The following CHN2 variants were observed in gnomAD, a reference collection of about 807,000 sequenced individuals.
The protein encoded by CHN2 is chimerin 2.
CHN2 carries 35 observed loss-of-function variants against 56.3 expected under a neutral mutation model. That is an observed-to-expected ratio of 0.62 (90% CI 0.47 to 0.82). CHN2 has a LOEUF of 0.82. Ranked by LOEUF, CHN2 falls within the 40% of genes least tolerant of loss-of-function variation. The probability of loss-of-function intolerance (pLI) is 0.00; values close to 1 mark genes in which losing one functional copy is unlikely to be tolerated. For missense variants in CHN2, 491 were observed against 580.5 expected (o/e 0.85, Z 1.58); for synonymous variants, 210 against 212.8 (o/e 0.99, Z 0.12).
At chr7:29,177,947 G>A (rs1448695074) in intron 2 of CHN2, among the ~76,000 whole-genome samples, 1 of 151,892 alleles carries the variant, frequency 6.6e-6, no homozygotes, top group African/African-American at 2.4e-5. Context: ...CCCACACAAA[G>A]TTCCCCCTCC....
chr7:29,388,453 C>T (rs1219285852), intron 3 of CHN2, among the ~76,000 whole-genome samples: 4 of 151,682 alleles, frequency 2.6e-5, no homozygotes, highest in South Asian at 2.1e-4. Context: ...TGGCTGTCTG[C>T]GCCAGGCACT....
At chr7:29,155,091 GC>G (rs1355951160) in intron 2 of CHN2, among the ~76,000 whole-genome samples, 12 of 152,026 alleles carry the variant, frequency 7.9e-5, no homozygotes, top group African/African-American at 2.9e-4. Flanking sequence ...CACAGGACCT[GC>G]CCCCATGATT....
intron 3 of CHN2, among the ~76,000 whole-genome samples, chr7:29,373,395 G>C (rs927693876): frequency 6.6e-6 from 1 of 151,750 alleles, no homozygotes; most frequent in Non-Finnish European, 1.5e-5. Context: ...GGCTGGTCTT[G>C]AATTCCCAAC....
intron 1 of CHN2, among the ~76,000 whole-genome samples, chr7:29,267,081 G>C (rs1368167136): frequency 6.6e-6 from 1 of 151,992 alleles, no homozygotes; most frequent in Non-Finnish European, 1.5e-5. Context: ...CTCTGCTGTA[G>C]TAGCTCTTAG....
intron 2 of CHN2, among the ~76,000 whole-genome samples, chr7:29,161,512 T>C (rs1018774662): frequency 7.9e-5 from 12 of 152,154 alleles, no homozygotes; most frequent in African/African-American, 2.2e-4. Flanking sequence ...CACTTTAACT[T>C]TTCATACCCA....
intron 1 of CHN2, among the ~76,000 whole-genome samples, chr7:29,309,262 G>T (rs17759374): frequency 0.019 from 2,834 of 152,262 alleles, 37 homozygotes; most frequent in Middle Eastern, 0.031. Flanking sequence ...TCTTTGGGTT[G>T]TAGAATTTGA....
At position 29,480,376 on chromosome 7, in the gene CHN2, CCTT is replaced by C. The variant is rs757414379; in HGVS notation, c.654+26_654+28del. ...TTTAAGGTAAGCAAGCCTCTGCATTCCTTCTTCTGTTACAAAAGGGCAGGTGGA... is the reference window on the plus strand; with the variant it reads ...TTTAAGGTAAGCAAGCCTCTGCATTCCTTCTGTTACAAAAGGGCAGGTGGA... On this transcript the variant is annotated intron_variant, in intron 7 of 12. Coordinates refer to ENST00000222792, the MANE Select transcript of CHN2 (RefSeq NM_004067.4). 66 of 1,610,564 alleles carry C rather than the reference CCTT, an allele frequency of 4.1e-5. 1 individual carries two copies. The South Asian group carries it at 6.8e-4, about 17-fold the overall frequency.
At chr7:29,402,493 T>A (rs1050714560) in intron 6 of CHN2, among the ~76,000 whole-genome samples, 1 of 152,220 alleles carries the variant, frequency 6.6e-6, no homozygotes, top group African/African-American at 2.4e-5. Flanking sequence ...CTTAGTCTGT[T>A]TGCAAAATCT....
intron 2 of CHN2, among the ~76,000 whole-genome samples, chr7:29,157,430 C>T (rs530083353): frequency 7.2e-5 from 10 of 139,072 alleles, no homozygotes; most frequent in South Asian, 5.1e-4. Flanking sequence ...AGAGAAATGG[C>T]GTTATCTCAG....
At chr7:29,493,558 G>C (rs1265394693) in intron 7 of CHN2, among the ~76,000 whole-genome samples, 1 of 151,912 alleles carries the variant, frequency 6.6e-6, no homozygotes, top group African/African-American at 2.4e-5. Context: ...ATCTAAAATG[G>C]AATTCTTCAC....
intron 1 of CHN2, among the ~76,000 whole-genome samples, chr7:29,350,372 G>T (rs1307898856): frequency 6.6e-6 from 1 of 152,174 alleles, no homozygotes; most frequent in Non-Finnish European, 1.5e-5. Flanking sequence ...ATATGTGTGT[G>T]TGTTGGTGGG....
intron 6 of CHN2, among the ~76,000 whole-genome samples, chr7:29,406,973 A>G (rs1272916715): frequency 1.3e-5 from 2 of 152,140 alleles, no homozygotes; most frequent in Non-Finnish European, 2.9e-5. Flanking sequence ...ACATTGCCCC[A>G]CATTCACCCT....
Position 29,480,279 on chromosome 7 carries a change from A to T in CHN2, c.577A>T (p.Ile193Phe), listed in dbSNP as rs773547678. Residue 193 changes from isoleucine to phenylalanine, a missense_variant and splice_region_variant, in exon 7 of 13, where the codon ATC becomes TTC. Transcript: ENST00000222792. ...TCTCAAACTCTTTGCCTGTTCACAG[A>T]TCTCCTCCCTGGTTCGAAGGGCTGC... ...THEEHTAVEK[I>F]SSLVRRAALT... is the part of the protein sequence containing the mutation. 10 of 1,614,070 alleles carry T rather than the reference A, an allele frequency of 6.2e-6. No homozygotes were observed. The Admixed American group carries it at 1.3e-4, about 22-fold the overall frequency.
chr7:29,230,663 C>T (rs566239219), intron 1 of CHN2, among the ~76,000 whole-genome samples: 12 of 152,298 alleles, frequency 7.9e-5, no homozygotes, highest in Admixed American at 4.6e-4. Context: ...AAAATAAAAA[C>T]AAATCTTTAA....
chr7:29,258,313 A>G (rs1789243465), intron 1 of CHN2, among the ~76,000 whole-genome samples: 1 of 152,170 alleles, frequency 6.6e-6, no homozygotes, highest in Non-Finnish European at 1.5e-5. Flanking sequence ...ATGATCCCTT[A>G]TGGAATTTAA....
At chr7:29,273,388 T>TATATAA (rs1384075086) in intron 1 of CHN2, among the ~76,000 whole-genome samples, 2 of 41,920 alleles carry the variant, frequency 4.8e-5, no homozygotes, top group Non-Finnish European at 8.3e-5. Context: ...TATATATATA[T>TATATAA]ACACACACCA....
intron 1 of CHN2, among the ~76,000 whole-genome samples, chr7:29,245,065 T>C (rs1254600108): frequency 6.6e-6 from 1 of 152,202 alleles, no homozygotes; most frequent in Non-Finnish European, 1.5e-5. Context: ...TTCAGTAAGG[T>C]CTCTACCTGC....
chr7:29,485,305 T>TA (rs11403972), intron 7 of CHN2, among the ~76,000 whole-genome samples: 27,045 of 149,636 alleles, frequency 0.18, 2,542 homozygotes, highest in Middle Eastern at 0.26. Flanking sequence ...AGGTTCTTGT[T>TA]AAAAAAAAAA....
intron 9 of CHN2, among the ~76,000 whole-genome samples, chr7:29,503,933 T>A (rs1183827260): frequency 6.6e-6 from 1 of 152,332 alleles, no homozygotes; most frequent in Admixed American, 6.5e-5. Flanking sequence ...TTAGGACATA[T>A]CTTAACAAAT....
Sources: allele counts gnomAD v4.1 joint callset (sites outside exome capture counted in the v4.1 genomes callset), GRCh38; gene constraint gnomAD v4.1.1; transcripts MANE v1.5; gene names NCBI Gene and HGNC (gene_info 2026-07-23, HGNC 2026-07-21).